FRMPD4: variants seen among roughly 807,000 people sequenced by gnomAD.
FRMPD4 encodes the protein FERM and PDZ domain-containing protein 4.
A neutral mutation model predicts 94.1 loss-of-function variants in FRMPD4; 22 were observed. That is an observed-to-expected ratio of 0.23 (90% CI 0.17 to 0.33). The LOEUF (loss-of-function observed/expected upper bound fraction) is 0.33. Ranked by LOEUF, FRMPD4 falls within the 10% of genes least tolerant of loss-of-function variation. FRMPD4 has a pLI of 1.00. For missense variants in FRMPD4, 1,111 were observed against 1,339.9 expected, an observed-to-expected ratio of 0.83 and a Z score of 2.67; for synonymous variants, 631 against 548.6, an observed-to-expected ratio of 1.15 and a Z score of -2.10.
At chrX:12,330,317 G>A (rs2055352820) in intron 1 of FRMPD4, among the ~76,000 whole-genome samples, 1 of 110,618 alleles carries the variant, frequency 9.0e-6, no homozygotes, top group African/African-American at 3.3e-5. Flanking sequence ...CCAAAGCCAA[G>A]TAAGAGCACC....
chrX:12,648,244 C>T (rs921809408), intron 4 of FRMPD4, among the ~76,000 whole-genome samples: 3 of 111,823 alleles, frequency 2.7e-5, no homozygotes, highest in Non-Finnish European at 5.6e-5. Context: ...ACTTCTCTCA[C>T]CCAAAAGCCA....
intron 3 of FRMPD4, among the ~76,000 whole-genome samples, chrX:12,112,626 T>C (rs2055375306): frequency 8.9e-6 from 1 of 111,862 alleles, no homozygotes; most frequent in South Asian, 3.8e-4. Context: ...TGGAGTATTA[T>C]TTTCATTTTA....
At chrX:11,911,142 A>G (rs1354382317) in intron 3 of FRMPD4, among the ~76,000 whole-genome samples, 2 of 112,540 alleles carry the variant, frequency 1.8e-5, no homozygotes, top group African/African-American at 6.5e-5. Context: ...ACCATGGACA[A>G]TATGTGAACA....
At chrX:12,183,500 A>C (rs767548750) in intron 1 of FRMPD4, among the ~76,000 whole-genome samples, 1 of 111,895 alleles carries the variant, frequency 8.9e-6, no homozygotes, top group Non-Finnish European at 1.9e-5. Flanking sequence ...GAAGTTTTGA[A>C]GCTTTTGGAA....
chrX:12,645,347 CT>C (rs138817056), intron 4 of FRMPD4, among the ~76,000 whole-genome samples: 998 of 55,603 alleles, frequency 0.018, no homozygotes, highest in Non-Finnish European at 0.026. Flanking sequence ...CACTCTCACT[CT>C]TTTTTTTTTT....
At position 12,382,324 on chromosome X, in the gene FRMPD4, G is replaced by A. The variant is rs188787813; in HGVS notation, c.42-116356G>A. Among the ~76,000 whole-genome samples the A allele has an allele frequency of 1.7e-3, 194 of 111,286 alleles. 1 individual carries two copies. Among genetic ancestry groups the A allele is most frequent in the African/African-American group, 5.9e-3 (180 of 30,641 alleles). ...ATAGAGGACAGAGATCCAAAGGATC[G>A]CCGGGCAGAGGGGTATGATACTGGC... On this transcript the variant is annotated intron_variant, in intron 1 of 16. Coordinates refer to ENST00000675598, the MANE Select transcript of FRMPD4 (RefSeq NM_001368397.1).
chrX:12,346,018 A>G (rs2055703063), intron 1 of FRMPD4, among the ~76,000 whole-genome samples: 2 of 104,556 alleles, frequency 1.9e-5, no homozygotes, highest in African/African-American at 7.5e-5. Context: ...TACCTTTTGT[A>G]TGAGAATTTT....
intron 1 of FRMPD4, among the ~76,000 whole-genome samples, chrX:12,298,618 A>G (rs993050502): frequency 8.9e-6 from 1 of 112,276 alleles, no homozygotes; most frequent in African/African-American, 3.2e-5. Context: ...TCCAAAAACC[A>G]TTCTCGTTGC....
At chrX:12,616,236 T>C (rs2059235272) in intron 4 of FRMPD4, among the ~76,000 whole-genome samples, 1 of 111,384 alleles carries the variant, frequency 9.0e-6, no homozygotes, top group African/African-American at 3.3e-5. Flanking sequence ...TTAGTATCCT[T>C]ATAAAAAGTT....
intron 3 of FRMPD4, among the ~76,000 whole-genome samples, chrX:11,961,447 G>A (rs5935207): frequency 0.012 from 1,350 of 112,238 alleles, 5 homozygotes; most frequent in South Asian, 0.017. Context: ...TCAGTCCCAA[G>A]GAATCTAGAA....
At chrX:11,834,861 T>C (rs1417735701) in intron 1 of FRMPD4, among the ~76,000 whole-genome samples, 1 of 112,120 alleles carries the variant, frequency 8.9e-6, no homozygotes, top group East Asian at 2.8e-4. Flanking sequence ...ATCCATCTGC[T>C]TTTTATACTT....
At position 12,011,906 on chromosome X, in the gene FRMPD4, AT is replaced by A. The variant is rs370370680; in HGVS notation, c.95+133903del. ...TTTTACTTCTTTCTTTACGATCTGAATTTTTTTTTTTTTTTGATGGAGTCTC... is the reference window on the plus strand; with the variant it reads ...TTTTACTTCTTTCTTTACGATCTGAATTTTTTTTTTTTTTGATGGAGTCTC... On this transcript the variant is annotated intron_variant, in intron 3 of 18. Coordinates refer to the FRMPD4 transcript ENST00000640291. Among the ~76,000 whole-genome samples the A allele has an allele frequency of 5.5e-3, 545 of 98,856 alleles. 2 individuals carry two copies. Among genetic ancestry groups the A allele is most frequent in the African/African-American group, 8.5e-3 (231 of 27,151 alleles). The allele number at this position is 98,856 out of a possible 115,157, so 85.8% of individuals were successfully genotyped here. A position where few individuals can be genotyped will look rare whatever the true frequency, so the allele number is the denominator to read the frequency against.
chrX:12,137,542 T>G (rs1363061789), upstream of FRMPD4, among the ~76,000 whole-genome samples: 1 of 111,699 alleles, frequency 9.0e-6, no homozygotes, highest in East Asian at 2.8e-4. Flanking sequence ...ACACACTTAG[T>G]GCGGCCAGCT....
intron 3 of FRMPD4, among the ~76,000 whole-genome samples, chrX:11,890,083 TG>T (rs1182039666): frequency 8.9e-6 from 1 of 112,227 alleles, no homozygotes; most frequent in Admixed American, 9.4e-5. Context: ...GCAGAAGGGT[TG>T]GGGGAACTGT....
chrX:12,476,651 G>T (rs1289957221), intron 1 of FRMPD4, among the ~76,000 whole-genome samples: 7 of 112,038 alleles, frequency 6.2e-5, no homozygotes, highest in African/African-American at 3.2e-5. Flanking sequence ...AGAAGTGGAC[G>T]ATAGATATGA....
intron 1 of FRMPD4, among the ~76,000 whole-genome samples, chrX:12,316,889 A>G (rs1374763171): frequency 8.9e-6 from 1 of 112,012 alleles, no homozygotes; most frequent in Non-Finnish European, 1.9e-5. Flanking sequence ...TTTAGAAGCA[A>G]AAATCTTTTA....
rs1484784360 is a variant in FRMPD4 at position 12,707,624 on chromosome X, G to A, written c.1443G>A (p.Arg481=). 3.3e-6 allele frequency: 4 copies of A among 1,207,399 alleles called. No homozygotes were observed. Among genetic ancestry groups the A allele is most frequent in the Admixed American group, 2.2e-5 (1 of 45,376 alleles). Residue 481 remains arginine, a synonymous_variant, in exon 13 of 17, where the codon CGG becomes CGA. Coordinates refer to ENST00000675598, the MANE Select transcript of FRMPD4 (RefSeq NM_001368397.1). ...EMFSEEESLV[R]VELHVLDVKP... is the part of the protein sequence containing the mutation. The stretch of plus-strand genomic sequence containing the variant: ...TTTCCGAGGAGGAGAGCTTGGTGCG[G>A]GTAGAACTCCACGTGCTAGATGTGA...
chrX:11,999,289 A>G (rs184017681), intron 3 of FRMPD4, among the ~76,000 whole-genome samples: 142 of 111,930 alleles, frequency 1.3e-3, no homozygotes, highest in African/African-American at 4.4e-3. Context: ...TGTGCCACTC[A>G]ATCTAAAAGC....
intron 8 of FRMPD4, among the ~76,000 whole-genome samples, chrX:12,693,387 T>C (rs188817842): frequency 8.9e-6 from 1 of 112,420 alleles, no homozygotes; most frequent in African/African-American, 3.2e-5. Flanking sequence ...GATTTCCTTT[T>C]GTTGCAAAAG....
Sources: allele counts gnomAD v4.1 joint callset (sites outside exome capture counted in the v4.1 genomes callset), GRCh38; gene constraint gnomAD v4.1.1; transcripts MANE v1.5; gene names NCBI Gene and HGNC (gene_info 2026-07-23, HGNC 2026-07-21).